The following ADAMTSL1 variants were observed in gnomAD, a reference collection of about 807,000 sequenced individuals.
ADAMTSL1 encodes the protein ADAMTS-like protein 1.
A neutral mutation model predicts 201.8 loss-of-function variants in ADAMTSL1; 126 were observed. That is an observed-to-expected ratio of 0.62 (90% CI 0.54 to 0.72). The LOEUF (loss-of-function observed/expected upper bound fraction) is 0.72. Among genes scored for constraint, ADAMTSL1 ranks in the 30% least tolerant of loss-of-function variants. The pLI is 0.00. For synonymous variants in ADAMTSL1, 1,121 were observed against 903.4 expected, an observed-to-expected ratio of 1.24 and a Z score of -4.32; for missense variants, 2,679 against 2,277.8, an observed-to-expected ratio of 1.18 and a Z score of -3.59.
intron 2 of ADAMTSL1, among the ~76,000 whole-genome samples, chr9:18,225,919 AT>A (rs1830420630): frequency 1.3e-5 from 2 of 152,008 alleles, no homozygotes; most frequent in Non-Finnish European, 2.9e-5. Context: ...AGTTTTTCTT[AT>A]GTCTGATTAA....
intron 3 of ADAMTSL1, among the ~76,000 whole-genome samples, chr9:18,538,703 G>A (rs926280120): frequency 6.6e-6 from 1 of 152,206 alleles, no homozygotes; most frequent in African/African-American, 2.4e-5. Context: ...TTGAGGTTGT[G>A]AAAATTCATG....
intron 23 of ADAMTSL1, among the ~76,000 whole-genome samples, chr9:18,882,809 C>T (rs1225234936): frequency 6.6e-6 from 1 of 151,966 alleles, no homozygotes; most frequent in Non-Finnish European, 1.5e-5. Flanking sequence ...GCCTGGGCAA[C>T]ATAGCAAGAC....
chr9:17,994,659 GA>G (rs1819299736), intron 1 of ADAMTSL1, among the ~76,000 whole-genome samples: 2 of 152,254 alleles, frequency 1.3e-5, no homozygotes, highest in Admixed American at 1.3e-4. Flanking sequence ...TAACAAAGCA[GA>G]AAGATTAAAT....
At chr9:18,616,411 T>A (rs1384205507) in intron 4 of ADAMTSL1, among the ~76,000 whole-genome samples, 2 of 152,186 alleles carry the variant, frequency 1.3e-5, no homozygotes, top group East Asian at 3.8e-4. Context: ...CTTGTATGTA[T>A]TTGCTCAGAT....
intron 4 of ADAMTSL1, among the ~76,000 whole-genome samples, chr9:18,605,958 T>C (rs1434549857): frequency 1.3e-5 from 2 of 152,082 alleles, no homozygotes; most frequent in African/African-American, 2.4e-5. Flanking sequence ...CTGGAATTGA[T>C]AGTGTGTCAT....
intron 19 of ADAMTSL1, among the ~76,000 whole-genome samples, chr9:18,789,316 G>A (rs1010382715): frequency 6.6e-6 from 1 of 152,124 alleles, no homozygotes; most frequent in Non-Finnish European, 1.5e-5. Context: ...ACAACCCTAG[G>A]TAGGTACTAT....
chr9:18,626,510 C>A (rs114739377), intron 5 of ADAMTSL1, among the ~76,000 whole-genome samples: 3 of 152,050 alleles, frequency 2.0e-5, no homozygotes, highest in African/African-American at 7.2e-5. Flanking sequence ...AACAAAGAAG[C>A]CAGTGTGACT....
At chr9:18,363,117 G>A (rs529447980) in intron 2 of ADAMTSL1, among the ~76,000 whole-genome samples, 1 of 152,160 alleles carries the variant, frequency 6.6e-6, no homozygotes. Context: ...AGCAACTGAC[G>A]ATGGAACCAG....
At chr9:18,464,104 T>A (rs1354371785) in intron 2 of ADAMTSL1, among the ~76,000 whole-genome samples, 1 of 152,200 alleles carries the variant, frequency 6.6e-6, no homozygotes, top group African/African-American at 2.4e-5. Flanking sequence ...GTGATAATGA[T>A]TTACTGTGGA....
At chr9:18,725,352 A>T (rs550096836) in intron 15 of ADAMTSL1, among the ~76,000 whole-genome samples, 3 of 152,216 alleles carry the variant, frequency 2.0e-5, no homozygotes, top group Non-Finnish European at 4.4e-5. Flanking sequence ...GATTGTCGGG[A>T]AAGATGGAAA....
intron 11 of ADAMTSL1, 200 bp from the exon 12 acceptor site, chr9:18,681,612 C>T (rs1430043834): frequency 2.6e-6 from 1 of 381,620 alleles, no homozygotes; most frequent in Non-Finnish European, 4.6e-6. Context: ...ATTTAATTTT[C>T]AGCGAGCTTC....
chr9:17,935,683 C>A (rs1425450920), intron 1 of ADAMTSL1, among the ~76,000 whole-genome samples: 1 of 152,156 alleles, frequency 6.6e-6, no homozygotes, highest in African/African-American at 2.4e-5. Context: ...ACACCCCTTG[C>A]CTGATTTACT....
At chr9:18,468,368 T>C (rs1821086487) in intron 2 of ADAMTSL1, among the ~76,000 whole-genome samples, 1 of 152,204 alleles carries the variant, frequency 6.6e-6, no homozygotes, top group Non-Finnish European at 1.5e-5. Flanking sequence ...AATTTGAATC[T>C]AAATTATGAT....
intron 1 of ADAMTSL1, among the ~76,000 whole-genome samples, chr9:18,483,702 C>T (rs1821844702): frequency 2.0e-5 from 3 of 152,102 alleles, no homozygotes; most frequent in Admixed American, 2.0e-4. Context: ...TGGCGGGTGC[C>T]TGTAGTCCCA....
chr9:18,755,608 C>T (rs1819705335), intron 16 of ADAMTSL1, among the ~76,000 whole-genome samples: 1 of 152,130 alleles, frequency 6.6e-6, no homozygotes, highest in African/African-American at 2.4e-5. Flanking sequence ...TTTTAGGGCA[C>T]AGCCATATAT....
At chr9:18,002,479 G>A (rs1819652394) in intron 1 of ADAMTSL1, among the ~76,000 whole-genome samples, 1 of 151,960 alleles carries the variant, frequency 6.6e-6, no homozygotes, top group South Asian at 2.1e-4. Context: ...CTGATGCTTA[G>A]TAAGTTCTTA....
intron 2 of ADAMTSL1, among the ~76,000 whole-genome samples, chr9:18,227,772 C>T (rs1830485481): frequency 6.6e-6 from 1 of 152,144 alleles, no homozygotes; most frequent in Non-Finnish European, 1.5e-5. Context: ...CCTAGTGCCT[C>T]ATATGGTATT....
At chr9:18,839,537 G>T (rs1825575581) in intron 23 of ADAMTSL1, among the ~76,000 whole-genome samples, 1 of 152,094 alleles carries the variant, frequency 6.6e-6, no homozygotes, top group African/African-American at 2.4e-5. Flanking sequence ...ATAGTCCTTT[G>T]GGTATATACC....
intron 14 of ADAMTSL1, among the ~76,000 whole-genome samples, chr9:18,718,987 A>G (rs540588782): frequency 6.6e-6 from 1 of 152,240 alleles, no homozygotes; most frequent in Non-Finnish European, 1.5e-5. Context: ...TAGATTCTGT[A>G]TGGGATAGAA....
Sources: gnomAD v4.1 joint callset for allele counts (sites outside exome capture counted in the v4.1 genomes callset) on GRCh38, gnomAD v4.1.1 for gene constraint, MANE v1.5 for transcripts, NCBI Gene and HGNC (gene_info 2026-07-23, HGNC 2026-07-21) for gene names.